Variants in SYT1 observed in about 807,000 individuals in gnomAD.
SYT1 encodes the protein synaptotagmin-1.
Under a neutral mutation model 44.8 loss-of-function variants are expected in SYT1, and 8 were observed. The ratio of observed to expected loss-of-function variants is 0.18; its 90% CI spans 0.10 to 0.32. The LOEUF (loss-of-function observed/expected upper bound fraction) is 0.32. Among genes scored for constraint, SYT1 ranks in the 10% least tolerant of loss-of-function variants. SYT1 has a pLI of 1.00. For synonymous variants in SYT1, 154 were observed against 188.8 expected, an observed-to-expected ratio of 0.82 and a Z score of 1.51; for missense variants, 286 against 509.3, an observed-to-expected ratio of 0.56 and a Z score of 4.22.
intron 1 of SYT1, among the ~76,000 whole-genome samples, chr12:78,903,055 T>C (rs17045908): frequency 0.024 from 3,623 of 152,228 alleles, 146 homozygotes; most frequent in African/African-American, 0.083. Flanking sequence ...ACAGAATCAA[T>C]TCTTAACTCA....
chr12:79,154,394 C>T lies in SYT1; in HGVS notation c.-17-63109C>T, dbSNP rs11112987. On this transcript the variant is annotated intron_variant, in intron 3 of 10. Transcript: ENST00000261205. ...CTGAAACAACTCTATGACATAGGTA[C>T]GTTTTTTTCTCCTTTTTTTTTTTTA... Among the ~76,000 whole-genome samples, 247 of 150,088 alleles carry T rather than the reference C, an allele frequency of 1.6e-3. 1 individual carries two copies. The highest frequency in any genetic ancestry group is 5.9e-3 in the African/African-American group (241 of 40,950).
chr12:78,936,486 T>A (rs1878065983), intron 1 of SYT1, among the ~76,000 whole-genome samples: 1 of 152,194 alleles, frequency 6.6e-6, no homozygotes, highest in Non-Finnish European at 1.5e-5. Context: ...TCTTGTAGAT[T>A]GGCCTTGTAG....
intron 3 of SYT1, among the ~76,000 whole-genome samples, chr12:79,157,924 C>T (rs1346428382): frequency 6.6e-6 from 1 of 152,048 alleles, no homozygotes; most frequent in Non-Finnish European, 1.5e-5. Context: ...GAAACTAGGA[C>T]TCAAACTCAG....
At chr12:79,403,558 G>A (rs1437029499) in intron 9 of SYT1, among the ~76,000 whole-genome samples, 1 of 151,936 alleles carries the variant, frequency 6.6e-6, no homozygotes, top group East Asian at 1.9e-4. Flanking sequence ...CTCATTCTGG[G>A]GTGCTAAGGG....
intron 1 of SYT1, among the ~76,000 whole-genome samples, chr12:78,920,206 T>A (rs1181565894): frequency 6.6e-6 from 1 of 152,000 alleles, no homozygotes; most frequent in East Asian, 1.9e-4. Flanking sequence ...AAATCTATAA[T>A]TAGGTTAATA....
intron 2 of SYT1, among the ~76,000 whole-genome samples, chr12:79,032,742 C>T (rs904072835): frequency 6.6e-6 from 1 of 151,222 alleles, no homozygotes; most frequent in Non-Finnish European, 1.5e-5. Flanking sequence ...TCTGATTATT[C>T]CCTATTTCAA....
chr12:79,255,321 AT>A (rs1877454382), intron 4 of SYT1, among the ~76,000 whole-genome samples: 1 of 152,178 alleles, frequency 6.6e-6, no homozygotes, highest in African/African-American at 2.4e-5. Context: ...GATCGTCAGC[AT>A]TTTTTTAGCT....
At chr12:79,022,887 G>A (rs923565163) in intron 2 of SYT1, among the ~76,000 whole-genome samples, 6 of 151,630 alleles carry the variant, frequency 4.0e-5, no homozygotes, top group East Asian at 1.9e-4. Context: ...TCTAGCTTTC[G>A]AAAGACAAGC....
chr12:79,144,785 CA>C (rs1423187854), intron 3 of SYT1, among the ~76,000 whole-genome samples: 1 of 152,178 alleles, frequency 6.6e-6, no homozygotes, highest in Non-Finnish European at 1.5e-5. Flanking sequence ...TTTACCTTTT[CA>C]GGGGAGAAAT....
intron 4 of SYT1, among the ~76,000 whole-genome samples, chr12:79,285,069 A>G (rs1204695126): frequency 1.3e-5 from 2 of 152,190 alleles, no homozygotes; most frequent in Non-Finnish European, 2.9e-5. Flanking sequence ...AACCTGGGTT[A>G]AGAGCCACCG....
At position 79,179,357 on chromosome 12, in the gene SYT1, T is replaced by TATAG. The variant is rs1171668788; in HGVS notation, c.-17-38142_-17-38139dup. Reference sequence around the variant, plus strand: ...AGATATATCGATATGTCTATATCGATATAGATATAGATATAGATATAGATA... The same window carrying TATAG: ...AGATATATCGATATGTCTATATCGATATAGATAGATATAGATATAGATATAGATA... On this transcript the variant is annotated intron_variant, in intron 3 of 10. Coordinates refer to ENST00000261205, the MANE Select transcript of SYT1 (RefSeq NM_005639.3). 1.9e-3 allele frequency among the ~76,000 whole-genome samples: 12 copies of TATAG among 6,168 alleles called. 1 individual carries two copies. The highest frequency in any genetic ancestry group is 0.014 in the East Asian group (12 of 864). 4.0% of individuals were successfully genotyped at this position (6,168 alleles called of 152,430 possible). A position where few individuals can be genotyped will look rare whatever the true frequency, so the allele number is the denominator to read the frequency against.
intron 3 of SYT1, among the ~76,000 whole-genome samples, chr12:79,179,466 G>GATATATCC (rs1565842288): frequency 1.1e-3 from 4 of 3,654 alleles, no homozygotes; most frequent in South Asian, 9.4e-3. Context: ...AATCTATATA[G>GATATATCC]ATATAGATAT....
At chr12:79,056,587 C>T (rs945672392) in intron 3 of SYT1, among the ~76,000 whole-genome samples, 1 of 151,958 alleles carries the variant, frequency 6.6e-6, no homozygotes, top group Non-Finnish European at 1.5e-5. Flanking sequence ...ACCACTTCCT[C>T]CAGAGAAAAT....
chr12:79,250,624 GTCATTTT>G (rs1486186877), intron 4 of SYT1, among the ~76,000 whole-genome samples: 1 of 152,094 alleles, frequency 6.6e-6, no homozygotes, highest in East Asian at 1.9e-4. Context: ...TCCAATTCTG[GTCATTTT>G]GTTATAATAA....
chr12:79,077,063 G>A (rs1345120336), intron 3 of SYT1, among the ~76,000 whole-genome samples: 2 of 152,136 alleles, frequency 1.3e-5, no homozygotes, highest in African/African-American at 4.8e-5. Context: ...CTGCATCTCA[G>A]CATGCCTTTA....
chr12:79,112,759 A>G (rs761376914), intron 3 of SYT1, among the ~76,000 whole-genome samples: 8 of 152,118 alleles, frequency 5.3e-5, no homozygotes, highest in Non-Finnish European at 1.2e-4. Flanking sequence ...CAAAATGCTT[A>G]TTTGGGTGAG....
chr12:78,924,494 T>G (rs1243382978), intron 1 of SYT1, among the ~76,000 whole-genome samples: 1 of 151,530 alleles, frequency 6.6e-6, no homozygotes, highest in Non-Finnish European at 1.5e-5. Flanking sequence ...TTACATTTAT[T>G]AGTCGAGTTT....
At chr12:79,077,501 G>A (rs968947558) in intron 3 of SYT1, among the ~76,000 whole-genome samples, 5 of 152,130 alleles carry the variant, frequency 3.3e-5, no homozygotes, top group African/African-American at 1.2e-4. Flanking sequence ...TCCAAATAGT[G>A]AGGGAAATTA....
At chr12:79,412,741 A>G (rs1278324452) in intron 9 of SYT1, among the ~76,000 whole-genome samples, 1 of 152,222 alleles carries the variant, frequency 6.6e-6, no homozygotes, top group Non-Finnish European at 1.5e-5. Flanking sequence ...TGATCAAATA[A>G]TATGCATATC....
Sources: allele counts gnomAD v4.1 joint callset (sites outside exome capture counted in the v4.1 genomes callset), GRCh38; gene constraint gnomAD v4.1.1; transcripts MANE v1.5; gene names NCBI Gene and HGNC (gene_info 2026-07-23, HGNC 2026-07-21).